The following ARHGAP24 variants were observed in gnomAD, a reference collection of about 807,000 sequenced individuals.
ARHGAP24 encodes rho GTPase-activating protein 24.
ARHGAP24 carries 50 observed loss-of-function variants against 76.4 expected under a neutral mutation model. The observed-to-expected ratio is 0.65, with a 90% CI of 0.52 to 0.83. The LOEUF is 0.83. Ranked by LOEUF, ARHGAP24 falls within the 40% of genes least tolerant of loss-of-function variation. ARHGAP24 has a pLI of 0.00. For missense variants in ARHGAP24, 930 were observed against 914.2 expected (o/e 1.02, Z -0.22); for synonymous variants, 345 against 323.3 (o/e 1.07, Z -0.72).
intron 3 of ARHGAP24, among the ~76,000 whole-genome samples, chr4:85,879,081 A>T (rs1216565292): frequency 6.6e-6 from 1 of 152,268 alleles, no homozygotes; most frequent in African/African-American, 2.4e-5. Context: ...GAGAATGAAC[A>T]TCAAGAAATA....
intron 1 of ARHGAP24, among the ~76,000 whole-genome samples, chr4:85,525,641 T>C (rs564170364): frequency 6.6e-6 from 1 of 152,280 alleles, no homozygotes; most frequent in East Asian, 1.9e-4. Flanking sequence ...CTAGATCTCT[T>C]GCATATTTGT....
chr4:85,851,323 A>C (rs1263285954), intron 3 of ARHGAP24, among the ~76,000 whole-genome samples: 1 of 151,904 alleles, frequency 6.6e-6, no homozygotes, highest in Non-Finnish European at 1.5e-5. Context: ...CTGTCCCTTT[A>C]TTTTGAGCCC....
intron 2 of ARHGAP24, among the ~76,000 whole-genome samples, chr4:85,686,434 C>A (rs1010779900): frequency 2.6e-5 from 4 of 152,144 alleles, no homozygotes; most frequent in Non-Finnish European, 4.4e-5. Flanking sequence ...TATTTGTATT[C>A]TTTCCAGGAT....
intron 3 of ARHGAP24, among the ~76,000 whole-genome samples, chr4:85,913,549 A>G (rs1735203030): frequency 6.6e-6 from 1 of 152,054 alleles, no homozygotes. Flanking sequence ...GTCTTTAAAT[A>G]TCATCTCATT....
At chr4:85,825,172 A>G (rs1729654616) in intron 3 of ARHGAP24, among the ~76,000 whole-genome samples, 1 of 152,186 alleles carries the variant, frequency 6.6e-6, no homozygotes, top group African/African-American at 2.4e-5. Context: ...TAATTTGAAG[A>G]AAGTGCCTAA....
intron 5 of ARHGAP24, among the ~76,000 whole-genome samples, chr4:85,971,314 A>G (rs1231006256): frequency 2.0e-5 from 3 of 152,140 alleles, no homozygotes; most frequent in Non-Finnish European, 4.4e-5. Flanking sequence ...ACATATACCC[A>G]TCTATAGATT....
chr4:85,659,373 C>A (rs1374216835), intron 2 of ARHGAP24, among the ~76,000 whole-genome samples: 1 of 152,112 alleles, frequency 6.6e-6, no homozygotes, highest in African/African-American at 2.4e-5. Flanking sequence ...ATTACAATAT[C>A]ATAAAGTAAA....
intron 2 of ARHGAP24, among the ~76,000 whole-genome samples, chr4:85,670,304 T>C (rs1722778576): frequency 1.3e-5 from 2 of 152,186 alleles, no homozygotes; most frequent in Non-Finnish European, 1.5e-5. Flanking sequence ...TGTTTGCCAT[T>C]TATTTGACTT....
intron 2 of ARHGAP24, among the ~76,000 whole-genome samples, chr4:85,585,180 G>A (rs1464864423): frequency 1.3e-5 from 2 of 152,090 alleles, no homozygotes; most frequent in Non-Finnish European, 1.5e-5. Flanking sequence ...CCTGAGTTTT[G>A]TTTCTACCTG....
intron 1 of ARHGAP24, among the ~76,000 whole-genome samples, chr4:85,506,863 A>G (rs947798292): frequency 4.7e-5 from 7 of 148,584 alleles, no homozygotes; most frequent in African/African-American, 1.7e-4. Flanking sequence ...AGCTGTTCCT[A>G]TTCGGCTATC....
chr4:85,896,108 A>G (rs974553841), intron 3 of ARHGAP24, among the ~76,000 whole-genome samples: 4 of 152,228 alleles, frequency 2.6e-5, no homozygotes, highest in Non-Finnish European at 5.9e-5. Flanking sequence ...ATTTGTTGAT[A>G]CCAAGTATTG....
chr4:85,537,484 A>G (rs961999723), intron 1 of ARHGAP24, among the ~76,000 whole-genome samples: 2 of 152,148 alleles, frequency 1.3e-5, no homozygotes, highest in Non-Finnish European at 2.9e-5. Context: ...AAAAATCCAT[A>G]TAAAGCTAGC....
intron 2 of ARHGAP24, among the ~76,000 whole-genome samples, chr4:85,720,370 G>C (rs995598739): frequency 1.3e-5 from 2 of 152,192 alleles, no homozygotes; most frequent in Non-Finnish European, 2.9e-5. Context: ...AAATTAGAGA[G>C]TGGTAGTAGT....
At chr4:85,747,426 G>A (rs1197620733) in intron 3 of ARHGAP24, among the ~76,000 whole-genome samples, 1 of 152,112 alleles carries the variant, frequency 6.6e-6, no homozygotes, top group Non-Finnish European at 1.5e-5. Flanking sequence ...AATTGAGGCC[G>A]GGGGCGGTGG....
intron 3 of ARHGAP24, among the ~76,000 whole-genome samples, chr4:85,725,742 G>C (rs1004916235): frequency 4.6e-5 from 7 of 152,200 alleles, no homozygotes; most frequent in East Asian, 1.9e-4. Context: ...ACAGCGAAAG[G>C]CCTCAAAGGC....
At chr4:85,543,740 C>T (rs781169004) in intron 1 of ARHGAP24, among the ~76,000 whole-genome samples, 1 of 152,164 alleles carries the variant, frequency 6.6e-6, no homozygotes, top group Non-Finnish European at 1.5e-5. Flanking sequence ...CTGAATGTTA[C>T]ATTCCATAGC....
intron 2 of ARHGAP24, among the ~76,000 whole-genome samples, chr4:85,669,945 G>T (rs1722768923): frequency 6.6e-6 from 1 of 151,872 alleles, no homozygotes; most frequent in Non-Finnish European, 1.5e-5. Context: ...CTCTTCTGGG[G>T]CTTTAGTGCA....
At chr4:85,933,942 A>G (rs1365112122) in intron 4 of ARHGAP24, among the ~76,000 whole-genome samples, 4 of 152,174 alleles carry the variant, frequency 2.6e-5, no homozygotes, top group East Asian at 3.8e-4. Flanking sequence ...ATCATTCACC[A>G]TTGCTTCTTC....
At chr4:85,561,608 T>A (rs1188975555) in intron 1 of ARHGAP24, among the ~76,000 whole-genome samples, 2 of 152,252 alleles carry the variant, frequency 1.3e-5, no homozygotes, top group Non-Finnish European at 2.9e-5. Flanking sequence ...TGCACATGTT[T>A]GCAAAACCTT....
Sources: allele counts gnomAD v4.1 joint callset (sites outside exome capture counted in the v4.1 genomes callset), GRCh38; gene constraint gnomAD v4.1.1; transcripts MANE v1.5; gene names NCBI Gene and HGNC (gene_info 2026-07-23, HGNC 2026-07-21).